TLL1: variants seen among roughly 807,000 people sequenced by gnomAD.
TLL1 encodes tolloid like 1.
TLL1 carries 49 observed loss-of-function variants against 128.2 expected under a neutral mutation model. The ratio of observed to expected loss-of-function variants is 0.38; its 90% CI spans 0.30 to 0.48. TLL1 has a LOEUF of 0.48. TLL1 is among the 20% of genes least tolerant of loss of function. The pLI is 0.96. For missense variants in TLL1, 1,123 were observed against 1,242.0 expected, an observed-to-expected ratio of 0.90 and a Z score of 1.44; for synonymous variants, 454 against 418.8, an observed-to-expected ratio of 1.08 and a Z score of -1.03.
At chr4:165,950,769 T>A (rs1734474016) in intron 1 of TLL1, among the ~76,000 whole-genome samples, 1 of 152,046 alleles carries the variant, frequency 6.6e-6, no homozygotes, top group African/African-American at 2.4e-5. Flanking sequence ...CTAAAACAGT[T>A]CTTAGGGGAG....
intron 1 of TLL1, among the ~76,000 whole-genome samples, chr4:165,919,069 A>G (rs1326424327): frequency 6.6e-6 from 1 of 152,176 alleles, no homozygotes; most frequent in African/African-American, 2.4e-5. Flanking sequence ...TTTCAGGCAT[A>G]TATTAGGTTT....
chr4:166,057,372 T>C, intron 14 of TLL1, 63 bp downstream of exon 14: 1 of 1,579,504 alleles, frequency 6.3e-7, no homozygotes, highest in South Asian at 1.1e-5. Flanking sequence ...ATATTCTCAT[T>C]CTCTGTCTGT....
chr4:166,013,919 C>T (rs972726323), intron 7 of TLL1, among the ~76,000 whole-genome samples: 1 of 150,768 alleles, frequency 6.6e-6, no homozygotes, highest in African/African-American at 2.4e-5. Context: ...TTTTTTTTAA[C>T]ATATGCTGTA....
intron 8 of TLL1, among the ~76,000 whole-genome samples, chr4:166,024,029 C>G (rs1038072414): frequency 1.3e-5 from 2 of 151,784 alleles, no homozygotes; most frequent in Non-Finnish European, 2.9e-5. Flanking sequence ...TTTCATTTTT[C>G]TAAGACTTCT....
chr4:166,093,638 C>A (rs1182526962), intron 19 of TLL1, among the ~76,000 whole-genome samples: 1 of 152,070 alleles, frequency 6.6e-6, no homozygotes, highest in Non-Finnish European at 1.5e-5. Context: ...CAGCACAGAC[C>A]CTTTACAGGT....
intron 10 of TLL1, among the ~76,000 whole-genome samples, chr4:166,041,321 A>G (rs1414786382): frequency 1.4e-5 from 2 of 139,172 alleles, no homozygotes; most frequent in African/African-American, 2.7e-5. Flanking sequence ...TTTTTTTTTG[A>G]AATGGAGTCT....
chr4:165,903,733 TCACACACACACA>T (rs5863787), intron 1 of TLL1, among the ~76,000 whole-genome samples: 1 of 144,804 alleles, frequency 6.9e-6, no homozygotes, highest in Non-Finnish European at 1.5e-5. Flanking sequence ...TAAGTTCTTA[TCACACACACACA>T]CACACACACA....
At chr4:166,053,663 C>A (rs1023428497) in intron 12 of TLL1, among the ~76,000 whole-genome samples, 2 of 152,172 alleles carry the variant, frequency 1.3e-5, no homozygotes, top group Non-Finnish European at 2.9e-5. Flanking sequence ...TTTCTACCAA[C>A]TATACTGGCA....
At position 166,014,631 on chromosome 4, in the gene TLL1, T is replaced by C. The variant is rs555451307; in HGVS notation, c.1042+71T>C. The C allele has an allele frequency of 4.4e-6, 7 of 1,598,034 alleles. No homozygotes were observed. The Admixed American group carries it at 1.2e-4, about 27-fold the overall frequency. ...CTCTTCCAGATGAATAAGCCATGAT[T>C]TACTCAACTGTTTGTTTGTCTCCCT... On this transcript the variant is annotated intron_variant, in intron 8 of 20. Coordinates refer to ENST00000061240, the MANE Select transcript of TLL1 (RefSeq NM_012464.5).
At chr4:165,881,430 G>T (rs993463437) in intron 1 of TLL1, among the ~76,000 whole-genome samples, 1 of 152,242 alleles carries the variant, frequency 6.6e-6, no homozygotes, top group Non-Finnish European at 1.5e-5. Context: ...TATTTCTGAT[G>T]ACTTTCCTTT....
At chr4:165,882,706 C>T (rs928054667) in intron 1 of TLL1, among the ~76,000 whole-genome samples, 1 of 152,078 alleles carries the variant, frequency 6.6e-6, no homozygotes, top group African/African-American at 2.4e-5. Flanking sequence ...GCAACCTCCG[C>T]CTCCCAGGTT....
At chr4:166,082,725 T>A (rs1741342503) in intron 18 of TLL1, among the ~76,000 whole-genome samples, 1 of 152,150 alleles carries the variant, frequency 6.6e-6, no homozygotes, top group Non-Finnish European at 1.5e-5. Context: ...TCACCCAGGC[T>A]GGAGAGCAAT....
chr4:166,093,249 A>G (rs1560866985), intron 19 of TLL1, among the ~76,000 whole-genome samples: 1 of 152,150 alleles, frequency 6.6e-6, no homozygotes, highest in Non-Finnish European at 1.5e-5. Context: ...TTTATTGATT[A>G]TTATTTTCAC....
At chr4:166,078,140 G>T (rs1000139766) in intron 18 of TLL1, 110 bp downstream of exon 18, 10 of 1,526,522 alleles carry the variant, frequency 6.6e-6, no homozygotes, top group African/African-American at 1.4e-5. Context: ...ATCGTAGGCA[G>T]CTGGAAAAGA....
intron 1 of TLL1, among the ~76,000 whole-genome samples, chr4:165,911,319 A>G: frequency 6.6e-6 from 1 of 152,052 alleles, no homozygotes; most frequent in Non-Finnish European, 1.5e-5. Flanking sequence ...GACTTATTAC[A>G]CTTAACATAA....
At chr4:166,059,755 T>A (rs1447843007) in intron 14 of TLL1, among the ~76,000 whole-genome samples, 2 of 152,086 alleles carry the variant, frequency 1.3e-5, no homozygotes, top group South Asian at 2.1e-4. Flanking sequence ...TAATTTTTTT[T>A]AAATTGCTCC....
At chr4:165,911,998 C>T (rs149924103) in intron 1 of TLL1, among the ~76,000 whole-genome samples, 3,637 of 152,176 alleles carry the variant, frequency 0.024, 118 homozygotes, top group African/African-American at 0.075. Context: ...GCCTCAGCCT[C>T]CCGAGTAGCT....
At chr4:165,986,070 A>G (rs1736381328) in intron 1 of TLL1, among the ~76,000 whole-genome samples, 1 of 152,006 alleles carries the variant, frequency 6.6e-6, no homozygotes. Context: ...TAAATGGGCC[A>G]AATGAACGAT....
intron 1 of TLL1, among the ~76,000 whole-genome samples, chr4:165,901,508 G>A (rs757893911): frequency 2.6e-5 from 4 of 152,176 alleles, no homozygotes; most frequent in Non-Finnish European, 5.9e-5. Context: ...CCCCTCTGCT[G>A]GAGGTCTGCT....
Sources: allele counts gnomAD v4.1 joint callset (sites outside exome capture counted in the v4.1 genomes callset), GRCh38; gene constraint gnomAD v4.1.1; transcripts MANE v1.5; gene names NCBI Gene and HGNC (gene_info 2026-07-23, HGNC 2026-07-21).